PCDHGA5: variants seen among roughly 807,000 people sequenced by gnomAD.
PCDHGA5 encodes the protein protocadherin gamma subfamily A, 5.
In PCDHGA5, 36 loss-of-function variants were observed where a neutral mutation model predicts 56.7. The ratio of observed to expected loss-of-function variants is 0.64; its 90% confidence interval spans 0.49 to 0.84. PCDHGA5 has a LOEUF of 0.84. PCDHGA5 is among the 40% of genes least tolerant of loss of function. The probability of loss-of-function intolerance (pLI) is 0.00; values close to 1 mark genes in which losing one functional copy is unlikely to be tolerated. For missense variants in PCDHGA5, 1,305 were observed against 1,201.5 expected, an observed-to-expected ratio of 1.09 and a Z score of -1.27; for synonymous variants, 563 against 520.2, an observed-to-expected ratio of 1.08 and a Z score of -1.12.
At chr5:141,488,951 A>G (rs2099680664) in intron 1 of PCDHGA5, among the ~76,000 whole-genome samples, 1 of 152,118 alleles carries the variant, frequency 6.6e-6, no homozygotes, top group Admixed American at 6.5e-5. Flanking sequence ...ATTGGTTGAG[A>G]GCACACAGAC....
At chr5:141,421,531 T>G (rs1318944446) in intron 1 of PCDHGA5, 1 of 1,613,904 alleles carries the variant, frequency 6.2e-7, no homozygotes, top group Non-Finnish European at 8.5e-7. Flanking sequence ...GACGGTGTCC[T>G]CCTGTTTTTT....
At chr5:141,430,846 C>CCA in intron 1 of PCDHGA5, 1 of 1,576,346 alleles carries the variant, frequency 6.3e-7, no homozygotes, top group Non-Finnish European at 8.6e-7. Context: ...CCGGATGCAC[C>CCA]CAGATACGCT....
At chr5:141,473,511 C>T (rs952034051) in intron 1 of PCDHGA5, among the ~76,000 whole-genome samples, 23 of 152,108 alleles carry the variant, frequency 1.5e-4, no homozygotes, top group Non-Finnish European at 3.1e-4. Flanking sequence ...GAGAGCATAA[C>T]AAAGGATCCT....
intron 1 of PCDHGA5, chr5:141,372,545 C>T (rs778761799): frequency 6.2e-7 from 1 of 1,614,032 alleles, no homozygotes; most frequent in South Asian, 1.1e-5. Flanking sequence ...GCCTGCGATG[C>T]TCCTCCAGAC....
At chr5:141,458,459 A>G (rs1232004043) in intron 1 of PCDHGA5, among the ~76,000 whole-genome samples, 1 of 152,006 alleles carries the variant, frequency 6.6e-6, no homozygotes, top group African/African-American at 2.4e-5. Flanking sequence ...AATTTTTAAA[A>G]TACCGTACAA....
chr5:141,477,671 G>A lies in PCDHGA5; in HGVS notation c.2422-17136G>A, dbSNP rs1022028453. The A allele has an allele frequency of 1.2e-6, 2 of 1,614,198 alleles. No individual in the cohort carries two copies. Among genetic ancestry groups the A allele is most frequent in the Non-Finnish European group, 1.7e-6 (2 of 1,180,048 alleles). Reference sequence around the variant, plus strand: ...CACAATAAATCGTGACAATGGCATAGTGTCATCCTTAGTGCCCCTAGACTA... The same window carrying A: ...CACAATAAATCGTGACAATGGCATAATGTCATCCTTAGTGCCCCTAGACTA... On this transcript the variant is annotated intron_variant, in intron 1 of 3. Coordinates refer to ENST00000518069, the MANE Select transcript of PCDHGA5 (RefSeq NM_018918.3). This position sits in a 1 kb window ranked among gnomAD's most constrained non-coding sequence, Gnocchi z 4.9.
Position 141,485,792 on chromosome 5 carries a change from G to T in PCDHGA5, c.2422-9015G>T, listed in dbSNP as rs114766079. 6.2e-6 allele frequency: 10 copies of T among 1,614,118 alleles called. No individual in the cohort carries two copies. In the Admixed American group the frequency reaches 1.3e-4, roughly 22 times the overall value. ...GCCTTTGGATCGAGAGAAGCAATCG[G>T]ACTACCGCCTGGTGCTGACTGCTGT... On this transcript the variant is annotated intron_variant, in intron 1 of 3. Transcript: ENST00000518069. This position sits in a 1 kb window ranked among gnomAD's most constrained non-coding sequence, Gnocchi z 5.7.
chr5:141,429,376 T>TG (rs2097206796), intron 1 of PCDHGA5, among the ~76,000 whole-genome samples: 1 of 144,558 alleles, frequency 6.9e-6, no homozygotes, highest in Non-Finnish European at 1.5e-5. Context: ...GGAGAAAATG[T>TG]GTTTTTTTTT....
rs1377875429 is a variant in PCDHGA5 at position 141,365,501 on chromosome 5, C to T, written c.1171C>T (p.Pro391Ser). Reference sequence around the variant, plus strand: ...TGCATGCTCTATTCCTAGGAATTTGCCTTTTAAATTGGAGAAGTCAGTTGA... The same window carrying T: ...TGCATGCTCTATTCCTAGGAATTTGTCTTTTAAATTGGAGAAGTCAGTTGA... ...EIACSIPRNL[P>S]FKLEKSVDNY... Residue 391 changes from proline (P) to serine (S), a missense_variant, in exon 1 of 4, where the codon CCT (proline) becomes TCT (serine). Physicochemically the swap from Pro to Ser is moderately conservative, Grantham distance 74. Coordinates refer to ENST00000518069, the MANE Select transcript of PCDHGA5 (RefSeq NM_018918.3). 6.2e-7 allele frequency: 1 copy of T among 1,613,806 alleles called. No individual in the cohort carries two copies. The highest frequency in any genetic ancestry group is 1.3e-5 in the African/African-American group (1 of 75,004).
At position 141,394,450 on chromosome 5, in the gene PCDHGA5, T is replaced by A. The variant is rs188283892; in HGVS notation, c.2421+27699T>A. Reference sequence around the variant, plus strand: ...GGGGACCCGCCCCTCAGCAGCAACATGTCACTGAGCCTGTTCGTGCTGGAC... The same window carrying A: ...GGGGACCCGCCCCTCAGCAGCAACAAGTCACTGAGCCTGTTCGTGCTGGAC... On this transcript the variant is annotated intron_variant, in intron 1 of 3. Transcript: ENST00000518069. 92 of 1,614,228 alleles carry A rather than the reference T, an allele frequency of 5.7e-5. No individual in the cohort carries two copies. The East Asian group carries it at 1.9e-3, about 34-fold the overall frequency.
In PCDHGA5 at chr5:141,372,944, T is replaced by G. The variant is rs575803755; in HGVS notation, c.2421+6193T>G. ...ATTTTCTGGTGTAGAGTAGGGTGTC[T>G]AGGAAATTCTTTGTAGAATTTCCTG... On this transcript the variant is annotated intron_variant, in intron 1 of 3. Coordinates refer to ENST00000518069, the MANE Select transcript of PCDHGA5 (RefSeq NM_018918.3). The G allele has an allele frequency of 1.0e-5, 8 of 788,876 alleles. No individual in the cohort carries two copies. In the East Asian group the frequency reaches 2.2e-4, roughly 22 times the overall value. The allele number at this position is 788,876 out of a possible 1,614,324, so 48.9% of individuals were successfully genotyped here. A position where few individuals can be genotyped will look rare whatever the true frequency, so the allele number is the denominator to read the frequency against.
chr5:141,376,168 G>A (rs757765992), intron 1 of PCDHGA5: 64 of 1,613,990 alleles, frequency 4.0e-5, no homozygotes, highest in East Asian at 2.2e-4. Flanking sequence ...ACCTGGTGGT[G>A]GCGGTGGCCG....
Position 141,393,179 on chromosome 5 carries a change from A to T in PCDHGA5, c.2421+26428A>T, listed in dbSNP as rs375085176. 8.7e-6 allele frequency: 14 copies of T among 1,613,202 alleles called. 2 individuals are homozygous for T. In the East Asian group the frequency reaches 2.5e-4, roughly 28 times the overall value. ...GAAAACTCTTTGGGGTAGAAATAGA[A>T]ATAATTGATATTAACGATAATAACC... On this transcript the variant is annotated intron_variant, in intron 1 of 3. Coordinates refer to ENST00000518069, the MANE Select transcript of PCDHGA5 (RefSeq NM_018918.3).
chr5:141,409,125 AT>A, intron 1 of PCDHGA5: 1 of 1,613,982 alleles, frequency 6.2e-7, no homozygotes, highest in Non-Finnish European at 8.5e-7. Context: ...CAGTCATTTG[AT>A]TTTGAAGATG....
At chr5:141,505,106 G>A (rs934779049) in intron 2 of PCDHGA5, among the ~76,000 whole-genome samples, 1 of 152,188 alleles carries the variant, frequency 6.6e-6, no homozygotes, top group Non-Finnish European at 1.5e-5. Context: ...ATGTTGCAAT[G>A]AGCCAAGATC....
At chr5:141,426,487 G>A (rs999549044) in intron 1 of PCDHGA5, 2 of 333,788 alleles carry the variant, frequency 6.0e-6, no homozygotes, top group African/African-American at 4.3e-5. Context: ...AAACCTTAGA[G>A]TTAGTGCAGA....
chr5:141,448,639 T>A (rs1248697237), intron 1 of PCDHGA5, among the ~76,000 whole-genome samples: 1 of 152,148 alleles, frequency 6.6e-6, no homozygotes, highest in Admixed American at 6.6e-5. Flanking sequence ...CATTATATCC[T>A]TTAAAAATAT....
intron 1 of PCDHGA5, chr5:141,374,478 G>C (rs781173070): frequency 6.2e-7 from 1 of 1,611,820 alleles, no homozygotes; most frequent in African/African-American, 1.3e-5. Flanking sequence ...AATACACCCC[G>C]ATTCTTAAAG....
rs558074504 is a variant in PCDHGA5 at position 141,489,065 on chromosome 5, C to A, written c.2422-5742C>A. ...CCACTCAAATTCAGCTCCCCTCCCCCCTGCCCACCCCCGCCACTCGGTGAC... is the reference window on the plus strand; with the variant it reads ...CCACTCAAATTCAGCTCCCCTCCCCACTGCCCACCCCCGCCACTCGGTGAC... On this transcript the variant is annotated intron_variant, in intron 1 of 3. Transcript: ENST00000518069. The surrounding 1 kb of genome is among the most constrained non-coding windows in gnomAD (Gnocchi z 4.5). 1,377 of 389,040 alleles carry A rather than the reference C, an allele frequency of 3.5e-3. 31 individuals carry two copies. Among genetic ancestry groups the A allele is most frequent in the Admixed American group, 9.8e-3 (226 of 22,946 alleles). 24.1% of individuals were successfully genotyped at this position (389,040 alleles called of 1,614,324 possible).
Sources: gnomAD v4.1 joint callset for allele counts (sites outside exome capture counted in the v4.1 genomes callset) on GRCh38, gnomAD v4.1.1 for gene constraint, Gnocchi (gnomAD v3.1) non-coding constraint, MANE v1.5 for transcripts, NCBI Gene and HGNC (gene_info 2026-07-23, HGNC 2026-07-21) for gene names.